GNE: variants seen among roughly 807,000 people sequenced by gnomAD.
The protein encoded by GNE is glucosamine (UDP-N-acetyl)-2-epimerase/N-acetylmannosamine kinase.
In GNE, 41 loss-of-function variants were observed where a neutral mutation model predicts 61.8. The observed-to-expected ratio is 0.66, with a 90% CI of 0.52 to 0.86. The LOEUF (loss-of-function observed/expected upper bound fraction) is 0.86. GNE is among the 40% of genes least tolerant of loss of function. The probability of loss-of-function intolerance (pLI) is 0.00; values close to 1 mark genes in which losing one functional copy is unlikely to be tolerated. For missense variants in GNE, 608 were observed against 909.1 expected (o/e 0.67, Z 4.26); for synonymous variants, 264 against 326.4 (o/e 0.81, Z 2.06).
intron 5 of GNE, among the ~76,000 whole-genome samples, chr9:36,231,093 G>GAA (rs1482958719): frequency 4.1e-4 from 45 of 110,926 alleles, no homozygotes; most frequent in African/African-American, 1.4e-3. Flanking sequence ...AAGAAAGAAA[G>GAA]AGAGAGAGAG....
intron 3 of GNE, among the ~76,000 whole-genome samples, chr9:36,240,224 T>TC (rs1439292013): frequency 6.6e-6 from 1 of 152,228 alleles, no homozygotes; most frequent in African/African-American, 2.4e-5. Flanking sequence ...AGAGTGGGCA[T>TC]CCTTGTCTTG....
In GNE at chr9:36,217,393, A is replaced by G; in HGVS notation, c.2141T>C (p.Leu714Pro). 6.2e-7 allele frequency: 1 copy of G among 1,613,864 alleles called. No homozygotes were observed. The highest frequency in any genetic ancestry group is 8.5e-7 in the Non-Finnish European group (1 of 1,179,734). ...GTAGATCCTGCGTGTTGTGTAGTCC[A>G]GAACCATGCTGGCAGCACCCAGCAG... Reference protein sequence around the residue: ...PALLGAASMVLDYTTRRIY With the variant: ...PALLGAASMVPDYTTRRIY Residue 714 changes from leucine (L) to proline (P), a missense_variant, in exon 12 of 12, where the codon CTG (leucine) becomes CCG (proline). Coordinates refer to ENST00000642385, the MANE Select transcript of GNE (RefSeq NM_005476.7).
At chr9:36,273,145 T>A (rs1055404480) in intron 1 of GNE, among the ~76,000 whole-genome samples, 16 of 152,022 alleles carry the variant, frequency 1.1e-4, no homozygotes, top group African/African-American at 3.9e-4. Flanking sequence ...TACAGAACAT[T>A]TCCATGAGAT....
chr9:36,230,806 G>A (rs1244901487), intron 5 of GNE, among the ~76,000 whole-genome samples: 1 of 151,678 alleles, frequency 6.6e-6, no homozygotes, highest in Non-Finnish European at 1.5e-5. Flanking sequence ...CTTGACCCAA[G>A]CTAGGGTCGA....
At chr9:36,219,476 T>C (rs534630248) in intron 10 of GNE, among the ~76,000 whole-genome samples, 27 of 152,260 alleles carry the variant, frequency 1.8e-4, no homozygotes, top group Admixed American at 4.6e-4. Flanking sequence ...ACAGATATAC[T>C]ACACATACAG....
At chr9:36,228,909 G>A (rs1829018790) in intron 6 of GNE, 112 bp downstream of exon 6, 2 of 784,606 alleles carry the variant, frequency 2.5e-6, no homozygotes, top group Admixed American at 1.7e-5. Context: ...GGGGCCCGTA[G>A]GCATAAGAAG....
intron 2 of GNE, among the ~76,000 whole-genome samples, chr9:36,248,166 G>A (rs907914764): frequency 6.6e-6 from 1 of 151,924 alleles, no homozygotes; most frequent in Non-Finnish European, 1.5e-5. Context: ...TTATTTTAAC[G>A]CAAGGTTCTT....
rs998618238 is a variant in GNE, at chr9:36,216,575, T to G, written c.*790A>C. On this transcript the variant is annotated 3_prime_UTR_variant, in exon 12 of 12. Transcript: ENST00000642385. ...GTCTTGAACTCCTGACCTCAGGTGA[T>G]CCGCCCATCTCGGCCTCCCAAAATG... 3 of 158,592 alleles carry G rather than the reference T, an allele frequency of 1.9e-5. No homozygotes were observed. The highest frequency in any genetic ancestry group is 7.2e-5 in the African/African-American group (3 of 41,412). The allele number at this position is 158,592 out of a possible 1,614,324, so 9.8% of individuals were successfully genotyped here. A position where few individuals can be genotyped will look rare whatever the true frequency, so the allele number is the denominator to read the frequency against.
At chr9:36,263,449 G>T in intron 1 of GNE, 1 of 157,102 alleles carries the variant, frequency 6.4e-6, no homozygotes, top group Non-Finnish European at 1.4e-5. Context: ...ACAGGTATGA[G>T]CCACCGCGCC....
chr9:36,245,443 G>C (rs1008581985), intron 3 of GNE, among the ~76,000 whole-genome samples: 1 of 151,998 alleles, frequency 6.6e-6, no homozygotes, highest in Non-Finnish European at 1.5e-5. Context: ...CCAGCACTTT[G>C]GGAGCCCAAG....
chr9:36,270,739 G>T (rs369204221), intron 1 of GNE, among the ~76,000 whole-genome samples: 1 of 151,724 alleles, frequency 6.6e-6, no homozygotes, highest in African/African-American at 2.4e-5. Context: ...GGATGGTCTC[G>T]ATCTCCTGAC....
In GNE at chr9:36,255,844, A is replaced by T. The variant is rs867975083; in HGVS notation, c.-43+2477T>A. On this transcript the variant is annotated intron_variant, in intron 1 of 11. Transcript: ENST00000642385. ...TAGGTGACAGATGGATGGATGATAG[A>T]TGTTAGACAGATAGATGATAGTTTT... 9.8e-5 allele frequency among the ~76,000 whole-genome samples: 15 copies of T among 152,296 alleles called. 1 individual carries two copies. The Middle Eastern group carries it at 0.01, about 104-fold the overall frequency.
chr9:36,256,991 G>A (rs1830380681), intron 1 of GNE, among the ~76,000 whole-genome samples: 1 of 152,164 alleles, frequency 6.6e-6, no homozygotes, highest in African/African-American at 2.4e-5. Context: ...CGGATCACTT[G>A]ATGTCTGTTC....
In GNE at chr9:36,219,973, A is replaced by C. The variant is rs776760528; in HGVS notation, c.1681T>G (p.Ser561Ala). 16 of 1,613,906 alleles carry C rather than the reference A, an allele frequency of 9.9e-6. No individual in the cohort carries two copies. The highest frequency in any genetic ancestry group is 4.0e-5 in the African/African-American group (3 of 74,910). The change falls in exon 10 of 12, where the codon TCC (serine) becomes GCC (alanine). Residue 561 changes from serine to alanine, a missense_variant. Coordinates refer to ENST00000642385, the MANE Select transcript of GNE (RefSeq NM_005476.7). ...IHQHELIHGSSFCAAELGHLV... is the reference protein window; with the variant it reads ...IHQHELIHGSAFCAAELGHLV... Reference sequence around the variant, plus strand: ...TGGCCCAGTTCTGCAGCACAGAAGGAGCTTCCGTGGATCAATTCATGCTGA... The same window carrying C: ...TGGCCCAGTTCTGCAGCACAGAAGGCGCTTCCGTGGATCAATTCATGCTGA...
intron 5 of GNE, among the ~76,000 whole-genome samples, chr9:36,233,536 T>C (rs889534733): frequency 6.6e-6 from 1 of 152,016 alleles, no homozygotes; most frequent in Non-Finnish European, 1.5e-5. Flanking sequence ...GCTTGGTGGC[T>C]GACGCCTGTA....
chr9:36,252,916 T>C (rs923603266), intron 1 of GNE, among the ~76,000 whole-genome samples: 2 of 152,140 alleles, frequency 1.3e-5, no homozygotes, highest in Non-Finnish European at 2.9e-5. Flanking sequence ...CCCAACACTT[T>C]GGGAGGCCGA....
chr9:36,228,883 G>T, intron 6 of GNE, 138 bp downstream of exon 6: 2 of 710,748 alleles, frequency 2.8e-6, no homozygotes, highest in Non-Finnish European at 2.6e-6. Context: ...AGCAATCCCT[G>T]TCTCCCCAGC....
rs1021075515 is a variant in GNE at position 36,248,564 on chromosome 9, T to C, written c.164+628A>G. Among the ~76,000 whole-genome samples the C allele has an allele frequency of 1.5e-3, 222 of 151,960 alleles. 3 individuals carry two copies. The highest frequency in any genetic ancestry group is 2.5e-4 in the Non-Finnish European group (17 of 68,012). On this transcript the variant is annotated intron_variant, in intron 2 of 11. Transcript: ENST00000642385. The stretch of plus-strand genomic sequence containing the variant: ...GTCTCAAATTCCTGACCTCAGGTGA[T>C]CCACCCACCTCAGCCCCCCAGAGTG...
chr9:36,247,814 G>A (rs1247842520), intron 2 of GNE, among the ~76,000 whole-genome samples: 1 of 151,964 alleles, frequency 6.6e-6, no homozygotes. Flanking sequence ...ATCACCTGAG[G>A]TTGGGAGTTT....
Sources: allele counts gnomAD v4.1 joint callset (sites outside exome capture counted in the v4.1 genomes callset), GRCh38; gene constraint gnomAD v4.1.1; transcripts MANE v1.5; gene names NCBI Gene and HGNC (gene_info 2026-07-23, HGNC 2026-07-21).